The following ORC1 variants were observed in gnomAD, a reference collection of about 807,000 sequenced individuals.
ORC1 encodes the protein origin recognition complex subunit 1.
ORC1 carries 61 observed loss-of-function variants against 98.9 expected under a neutral mutation model. The ratio of observed to expected loss-of-function variants is 0.62; its 90% CI spans 0.50 to 0.76. The LOEUF (loss-of-function observed/expected upper bound fraction) is 0.76. Among genes scored for constraint, ORC1 ranks in the 30% least tolerant of loss-of-function variants. ORC1 has a pLI of 0.00. For synonymous variants in ORC1, 385 were observed against 406.9 expected (o/e 0.95, Z 0.65); for missense variants, 979 against 1,072.2 (o/e 0.91, Z 1.21).
At position 52,404,306 on chromosome 1, in the gene ORC1, G is replaced by C. The variant is rs1647882613; in HGVS notation, c.-66C>G. 1 of 154,182 alleles carries C rather than the reference G, an allele frequency of 6.5e-6. No individual in the cohort carries two copies. Among genetic ancestry groups the C allele is most frequent in the Non-Finnish European group, 1.5e-5 (1 of 68,780 alleles). 9.6% of individuals were successfully genotyped at this position (154,182 alleles called of 1,614,324 possible). On this transcript the variant is annotated 5_prime_UTR_variant, in exon 1 of 17. Coordinates refer to ENST00000371568, the MANE Select transcript of ORC1 (RefSeq NM_004153.4). ...CTCCGTTTCCTACCGCCTCCACTTCGAGAGCTCCGGGGGATGCGGCACCTC... is the reference window on the plus strand; with the variant it reads ...CTCCGTTTCCTACCGCCTCCACTTCCAGAGCTCCGGGGGATGCGGCACCTC...
chr1:52,388,564 T>C lies in ORC1; in HGVS notation c.1261A>G (p.Ser421Gly), dbSNP rs1267264837. 1 of 1,614,156 alleles carries C rather than the reference T, an allele frequency of 6.2e-7. No individual in the cohort carries two copies. The highest frequency in any genetic ancestry group is 8.5e-7 in the Non-Finnish European group (1 of 1,180,002). The change falls in exon 8 of 17, where the codon AGT (serine) becomes GGT (glycine). Residue 421 changes from serine to glycine, a missense_variant. Physicochemically the swap from Ser to Gly is moderately conservative, Grantham distance 56. Transcript: ENST00000371568. ...LPAAEISDSS[S>G]DEEEASTPPL... ...GGTGTGGAAGCCTCTTCTTCGTCAC[T>C]GCTAGAGTCTGAAATCTCTGCTGCT...
intron 5 of ORC1, 72 bp downstream of exon 5, chr1:52,395,974 C>T (rs922243850): frequency 2.9e-5 from 47 of 1,599,838 alleles, no homozygotes; most frequent in Non-Finnish European, 4.0e-5. Flanking sequence ...AATACTTTCC[C>T]ATAAATTATC....
At chr1:52,384,160 G>C (rs1647110418) in intron 11 of ORC1, among the ~76,000 whole-genome samples, 2 of 152,212 alleles carry the variant, frequency 1.3e-5, no homozygotes, top group African/African-American at 2.4e-5. Context: ...GTCACAGGCT[G>C]GGCCAGAAGC....
chr1:52,373,325 G>A lies in ORC1; in HGVS notation c.2442C>T (p.Pro814=). Residue 814 remains proline, a synonymous_variant, in exon 17 of 17, where the codon CCC becomes CCT. Transcript: ENST00000371568. ...ALCRMEGLPY[P]TMSETMAVCS... ...ACACGGCCATGGTCTCTGACATGGT[G>A]GGGTACGGCAGTCCCTCCATTCTGC... The A allele has an allele frequency of 6.2e-7, 1 of 1,614,160 alleles. No homozygotes were observed. Among genetic ancestry groups the A allele is most frequent in the Non-Finnish European group, 8.5e-7 (1 of 1,180,012 alleles).
chr1:52,405,974 T>C (rs1569971747), upstream of ORC1: 1 of 715,550 alleles, frequency 1.4e-6, no homozygotes. Flanking sequence ...TTTGAGCCCT[T>C]GAGTTTGTAT....
Position 52,396,174 on chromosome 1 carries a change from T to C in ORC1, c.593A>G (p.Glu198Gly). Residue 198 changes from glutamate to glycine, a missense_variant, in exon 5 of 17, where the codon GAG becomes GGG. Transcript: ENST00000371568. Reference sequence around the variant, plus strand: ...TTCTGCTGGGGTCCAAGAAGGGCTCTCTGCACTCTTACTCTTGGCTCTCAC... The same window carrying C: ...TTCTGCTGGGGTCCAAGAAGGGCTCCCTGCACTCTTACTCTTGGCTCTCAC... ...KPVRAKSKSAESPSWTPAEHV... is the reference protein window; with the variant it reads ...KPVRAKSKSAGSPSWTPAEHV... 1.2e-6 allele frequency: 2 copies of C among 1,614,194 alleles called. No homozygotes were observed. Among genetic ancestry groups the C allele is most frequent in the Non-Finnish European group, 1.7e-6 (2 of 1,180,030 alleles).
chr1:52,385,357 T>C, intron 9 of ORC1, 95 bp from the exon 10 acceptor site: 2 of 878,036 alleles, frequency 2.3e-6, no homozygotes, highest in Non-Finnish European at 3.9e-6. Flanking sequence ...TGGTTTCTTG[T>C]CTATGTTTCT....
upstream of ORC1, chr1:52,405,810 T>C: frequency 3.1e-6 from 5 of 1,614,102 alleles, no homozygotes; most frequent in Non-Finnish European, 4.2e-6. Flanking sequence ...AGGATATCAT[T>C]GTAGAGTTTA....
chr1:52,399,928 C>T (rs1226288942), intron 3 of ORC1, among the ~76,000 whole-genome samples: 3 of 152,070 alleles, frequency 2.0e-5, no homozygotes, highest in African/African-American at 4.8e-5. Context: ...AGTATCACTC[C>T]GTACCAGCAA....
At chr1:52,406,771 T>G (rs1648009332), upstream of ORC1, among the ~76,000 whole-genome samples, 1 of 152,190 alleles carries the variant, frequency 6.6e-6, no homozygotes, top group South Asian at 2.1e-4. Flanking sequence ...ATATAATAAT[T>G]CATTTCACTT....
chr1:52,399,222 C>T (rs1426421722), intron 3 of ORC1, among the ~76,000 whole-genome samples: 1 of 152,198 alleles, frequency 6.6e-6, no homozygotes, highest in Admixed American at 6.5e-5. Flanking sequence ...GGTGCAGTGG[C>T]TCACGTCTGT....
At chr1:52,377,446 T>A (rs902938809) in intron 14 of ORC1, among the ~76,000 whole-genome samples, 1 of 152,078 alleles carries the variant, frequency 6.6e-6, no homozygotes, top group Non-Finnish European at 1.5e-5. Context: ...GGCTAATTTT[T>A]AAATTTTTTG....
chr1:52,406,058 G>C, upstream of ORC1, among the ~76,000 whole-genome samples: 1 of 152,032 alleles, frequency 6.6e-6, no homozygotes, highest in East Asian at 1.9e-4. Flanking sequence ...GTGCGATCTC[G>C]GCCCACTGCA....
chr1:52,407,908 AGG>A (rs1278122339), upstream of ORC1, among the ~76,000 whole-genome samples: 14 of 152,234 alleles, frequency 9.2e-5, 1 homozygote, highest in African/African-American at 3.1e-4. Context: ...TACAAAAATT[AGG>A]CTGGGTGTGT....
chr1:52,375,890 T>C (rs1019626439), intron 14 of ORC1, among the ~76,000 whole-genome samples: 4 of 152,166 alleles, frequency 2.6e-5, no homozygotes, highest in East Asian at 1.9e-4. Flanking sequence ...AAGATCACTA[T>C]TGAAGCATCT....
chr1:52,379,465 G>A (rs866783567), intron 14 of ORC1, among the ~76,000 whole-genome samples: 3 of 151,410 alleles, frequency 2.0e-5, no homozygotes, highest in African/African-American at 7.3e-5. Flanking sequence ...GGATGGTCTC[G>A]ATCTCTTGAC....
chr1:52,385,333 A>G (rs1411214778), intron 9 of ORC1, 71 bp from the exon 10 acceptor site: 3 of 960,568 alleles, frequency 3.1e-6, no homozygotes, highest in Non-Finnish European at 3.4e-6. Context: ...TCATTAATCA[A>G]TGGAAAATGA....
At chr1:52,406,839 A>G (rs940738382), upstream of ORC1, among the ~76,000 whole-genome samples, 7 of 152,316 alleles carry the variant, frequency 4.6e-5, no homozygotes, top group East Asian at 1.2e-3. Flanking sequence ...ACTGAGGCAC[A>G]GAGATTAATT....
intron 6 of ORC1, among the ~76,000 whole-genome samples, chr1:52,391,852 C>T (rs574436206): frequency 4.7e-5 from 7 of 150,430 alleles, no homozygotes; most frequent in African/African-American, 1.5e-4. Context: ...GAGCCAAGAT[C>T]GCACCACTGC....
Sources: allele counts gnomAD v4.1 joint callset (sites outside exome capture counted in the v4.1 genomes callset), GRCh38; gene constraint gnomAD v4.1.1; transcripts MANE v1.5; gene names NCBI Gene and HGNC (gene_info 2026-07-23, HGNC 2026-07-21).